CNTN1: variants seen among roughly 807,000 people sequenced by gnomAD.
CNTN1 encodes contactin 1, also known as contactin-1.
CNTN1 carries 38 observed loss-of-function variants against 126.4 expected under a neutral mutation model. That is an observed-to-expected ratio of 0.30 (90% CI 0.23 to 0.39). CNTN1 has a LOEUF of 0.39. Ranked by LOEUF, CNTN1 falls within the 10% of genes least tolerant of loss-of-function variation. CNTN1 has a pLI of 1.00. For synonymous variants in CNTN1, 413 were observed against 422.6 expected (o/e 0.98, Z 0.28); for missense variants, 1,009 against 1,248.4 (o/e 0.81, Z 2.89).
At position 40,716,392 on chromosome 12, in the gene CNTN1, T is replaced by A. The variant is rs186964880; in HGVS notation, c.-77+23800T>A. 4.7e-4 allele frequency among the ~76,000 whole-genome samples: 71 copies of A among 151,740 alleles called. 1 individual carries two copies. The highest frequency in any genetic ancestry group is 1.7e-3 in the African/African-American group (69 of 41,174). On this transcript the variant is annotated intron_variant, in intron 1 of 23. Transcript: ENST00000551295. ...TTTTCTTCTTTCTTCTTCCTCTTTT[T>A]TCTCCTCCTTCTCCTTCTCCTCCTT...
At chr12:40,934,415 C>A (rs1276278738) in intron 9 of CNTN1, among the ~76,000 whole-genome samples, 1 of 150,530 alleles carries the variant, frequency 6.6e-6, no homozygotes, top group East Asian at 1.9e-4. Context: ...TTGAGAACCA[C>A]TGGTTTAAGA....
At chr12:40,754,901 T>C (rs1938539483) in intron 1 of CNTN1, among the ~76,000 whole-genome samples, 1 of 152,006 alleles carries the variant, frequency 6.6e-6, no homozygotes, top group African/African-American at 2.4e-5. Flanking sequence ...CTGATTTCTA[T>C]ACATTTAAAA....
At chr12:41,051,033 T>C (rs1461735354) in intron 23 of CNTN1, among the ~76,000 whole-genome samples, 2 of 152,178 alleles carry the variant, frequency 1.3e-5, no homozygotes, top group Admixed American at 1.3e-4. Context: ...TGAGAATGCA[T>C]GCTCGGTGGA....
intron 1 of CNTN1, among the ~76,000 whole-genome samples, chr12:40,694,421 A>C (rs1941394458): frequency 6.6e-6 from 1 of 152,246 alleles, no homozygotes; most frequent in Non-Finnish European, 1.5e-5. Context: ...GAAGAAACTA[A>C]GATTCAGAAG....
At chr12:40,822,120 T>A (rs77254210) in intron 1 of CNTN1, among the ~76,000 whole-genome samples, 3,634 of 145,260 alleles carry the variant, frequency 0.025, 65 homozygotes, top group Non-Finnish European at 0.035. Context: ...ATGTTTTTTA[T>A]AATTTCCAGT....
intron 1 of CNTN1, among the ~76,000 whole-genome samples, chr12:40,886,042 C>T (rs1944017573): frequency 6.6e-6 from 1 of 152,034 alleles, no homozygotes; most frequent in Admixed American, 6.6e-5. Flanking sequence ...TTATATTTAT[C>T]TTCTGCTTAG....
chr12:40,911,038 G>A (rs1327808806), intron 3 of CNTN1, among the ~76,000 whole-genome samples: 2 of 152,130 alleles, frequency 1.3e-5, no homozygotes, highest in Non-Finnish European at 2.9e-5. Flanking sequence ...TGGCTGGGGA[G>A]GCCTCAGAAT....
chr12:41,020,972 G>A (rs902605522), intron 20 of CNTN1, among the ~76,000 whole-genome samples: 2 of 152,108 alleles, frequency 1.3e-5, no homozygotes, highest in Admixed American at 6.6e-5. Flanking sequence ...TCAGTCAGAC[G>A]CAAATGAGAA....
At chr12:40,757,598 G>A (rs1000952002) in intron 1 of CNTN1, among the ~76,000 whole-genome samples, 3 of 152,130 alleles carry the variant, frequency 2.0e-5, no homozygotes, top group Non-Finnish European at 2.9e-5. Context: ...ATCTTTTGAT[G>A]TATTGGTTTC....
intron 1 of CNTN1, among the ~76,000 whole-genome samples, chr12:40,891,701 T>C (rs945663122): frequency 4.6e-5 from 7 of 152,146 alleles, no homozygotes; most frequent in Non-Finnish European, 8.8e-5. Context: ...TATCTTTATA[T>C]GATTCTATAT....
At chr12:40,779,527 G>A (rs144810344) in intron 1 of CNTN1, among the ~76,000 whole-genome samples, 59 of 151,886 alleles carry the variant, frequency 3.9e-4, no homozygotes, top group Admixed American at 1.1e-3. Context: ...TGAGCTTTCC[G>A]AAGTCCTAAA....
chr12:40,796,196 G>A (rs17541537), intron 1 of CNTN1, among the ~76,000 whole-genome samples: 9,153 of 152,116 alleles, frequency 0.06, 371 homozygotes, highest in Admixed American at 0.082. Context: ...GGTTGTGGAA[G>A]GAGGCTACTG....
intron 1 of CNTN1, among the ~76,000 whole-genome samples, chr12:40,805,629 T>C (rs1398764898): frequency 6.6e-6 from 1 of 152,174 alleles, no homozygotes; most frequent in Non-Finnish European, 1.5e-5. Flanking sequence ...TTAAATTCTC[T>C]ATCTGATAGT....
intron 1 of CNTN1, among the ~76,000 whole-genome samples, chr12:40,889,790 G>A (rs1565890737): frequency 6.6e-6 from 1 of 152,174 alleles, no homozygotes; most frequent in Non-Finnish European, 1.5e-5. Context: ...GCATTATGCT[G>A]AGGATGAAGA....
chr12:40,996,377 C>T (rs993989400), intron 17 of CNTN1, among the ~76,000 whole-genome samples: 1 of 152,086 alleles, frequency 6.6e-6, no homozygotes, highest in Non-Finnish European at 1.5e-5. Context: ...TGCAATCCAC[C>T]CACCTTGGCC....
intron 1 of CNTN1, among the ~76,000 whole-genome samples, chr12:40,816,406 C>A (rs1201635736): frequency 6.6e-6 from 1 of 152,048 alleles, no homozygotes; most frequent in Non-Finnish European, 1.5e-5. Flanking sequence ...GGAATTTATC[C>A]ATTTTTTCTA....
intron 1 of CNTN1, among the ~76,000 whole-genome samples, chr12:40,785,238 A>C (rs1450537003): frequency 6.6e-6 from 1 of 152,166 alleles, no homozygotes; most frequent in Non-Finnish European, 1.5e-5. Context: ...TTTATAAAGA[A>C]AAGAGGTTTA....
At chr12:40,996,155 T>TTAGAC (rs1467130700) in intron 17 of CNTN1, among the ~76,000 whole-genome samples, 1 of 151,800 alleles carries the variant, frequency 6.6e-6, no homozygotes, top group Non-Finnish European at 1.5e-5. Flanking sequence ...TTTTTTTTTT[T>TTAGAC]AGACAGTTCA....
rs193189921 is a variant in CNTN1, at chr12:41,039,379, T to A, written c.2980+10160T>A. 3.2e-3 allele frequency among the ~76,000 whole-genome samples: 481 copies of A among 152,272 alleles called. 2 individuals are homozygous for A. Among genetic ancestry groups the A allele is most frequent in the African/African-American group, 7.5e-3 (313 of 41,542 alleles). ...ATTTATATGGAGGAAGACCCAACAG[T>A]ATTTTCTGATGATTTTATGAGGTAT... On this transcript the variant is annotated intron_variant, in intron 23 of 23. Coordinates refer to ENST00000551295, the MANE Select transcript of CNTN1 (RefSeq NM_001843.4).
Sources: allele counts gnomAD v4.1 joint callset (sites outside exome capture counted in the v4.1 genomes callset), GRCh38; gene constraint gnomAD v4.1.1; transcripts MANE v1.5; gene names NCBI Gene and HGNC (gene_info 2026-07-23, HGNC 2026-07-21).